Variants in PRKG1 observed in about 807,000 individuals in gnomAD.
The protein encoded by PRKG1 is cGMP-dependent protein kinase 1.
A neutral mutation model predicts 88.1 loss-of-function variants in PRKG1; 35 were observed. The ratio of observed to expected loss-of-function variants is 0.40; its 90% CI spans 0.30 to 0.53. PRKG1 has a LOEUF of 0.53. Ranked by LOEUF, PRKG1 falls within the 20% of genes least tolerant of loss-of-function variation. The pLI is 0.59. For missense variants in PRKG1, 540 were observed against 839.8 expected (o/e 0.64, Z 4.41); for synonymous variants, 303 against 292.5 (o/e 1.04, Z -0.37).
At chr10:51,688,329 G>T (rs73341702) in intron 3 of PRKG1, among the ~76,000 whole-genome samples, 2,568 of 152,084 alleles carry the variant, frequency 0.017, 81 homozygotes, top group African/African-American at 0.058. Context: ...AAGAGATTAG[G>T]GTATATTCTG....
At chr10:51,765,555 C>T (rs1838135998) in intron 3 of PRKG1, among the ~76,000 whole-genome samples, 1 of 152,164 alleles carries the variant, frequency 6.6e-6, no homozygotes, top group Non-Finnish European at 1.5e-5. Flanking sequence ...AGTTGAATTC[C>T]TAGTGCTTGG....
At chr10:51,541,801 T>A (rs567722180) in intron 3 of PRKG1, among the ~76,000 whole-genome samples, 152 of 152,320 alleles carry the variant, frequency 1.0e-3, no homozygotes, top group Non-Finnish European at 1.9e-3. Flanking sequence ...AGAAATATCA[T>A]TTAACTGATA....
At chr10:51,868,153 A>G (rs149269616) in intron 4 of PRKG1, among the ~76,000 whole-genome samples, 1 of 152,300 alleles carries the variant, frequency 6.6e-6, no homozygotes, top group East Asian at 1.9e-4. Context: ...AAACTTGGCA[A>G]TATTGGAATA....
At chr10:51,701,444 G>T (rs568605511) in intron 3 of PRKG1, among the ~76,000 whole-genome samples, 1 of 152,086 alleles carries the variant, frequency 6.6e-6, no homozygotes, top group African/African-American at 2.4e-5. Flanking sequence ...CAAGATGCGC[G>T]ACAGTTTATA....
At chr10:51,489,008 C>G (rs1214044209) in intron 3 of PRKG1, among the ~76,000 whole-genome samples, 1 of 152,130 alleles carries the variant, frequency 6.6e-6, no homozygotes, top group African/African-American at 2.4e-5. Flanking sequence ...AACAAAAAAA[C>G]TGCCGTTGGC....
intron 5 of PRKG1, among the ~76,000 whole-genome samples, chr10:52,019,142 A>G (rs963562822): frequency 6.6e-6 from 1 of 152,074 alleles, no homozygotes; most frequent in Non-Finnish European, 1.5e-5. Flanking sequence ...CAGCTTTCCT[A>G]AGAACTAATG....
At chr10:51,777,266 T>G (rs960920063) in intron 3 of PRKG1, among the ~76,000 whole-genome samples, 10 of 152,078 alleles carry the variant, frequency 6.6e-5, no homozygotes, top group Non-Finnish European at 1.2e-4. Flanking sequence ...ATTATGTCTA[T>G]TACAAAGAAG....
chr10:52,137,976 A>C (rs1476349020), intron 8 of PRKG1, among the ~76,000 whole-genome samples: 6 of 152,130 alleles, frequency 3.9e-5, no homozygotes, highest in Non-Finnish European at 7.4e-5. Flanking sequence ...ACAGCAACTT[A>C]TAATTATTAG....
At chr10:51,952,879 A>C (rs1464199201) in intron 5 of PRKG1, among the ~76,000 whole-genome samples, 1 of 152,150 alleles carries the variant, frequency 6.6e-6, no homozygotes, top group African/African-American at 2.4e-5. Flanking sequence ...ATTTATCTTA[A>C]CCATTCTGTT....
At chr10:51,618,920 C>A (rs1307630506) in intron 3 of PRKG1, among the ~76,000 whole-genome samples, 1 of 149,044 alleles carries the variant, frequency 6.7e-6, no homozygotes, top group Non-Finnish European at 1.5e-5. Context: ...AGGTGTAAGC[C>A]ACCACACCCA....
intron 2 of PRKG1, among the ~76,000 whole-genome samples, chr10:51,279,584 A>G (rs576165520): frequency 1.3e-5 from 2 of 152,314 alleles, no homozygotes; most frequent in African/African-American, 4.8e-5. Context: ...ATATATATTT[A>G]GGATAGTTAG....
chr10:51,212,298 CT>C (rs1838244365), intron 2 of PRKG1, among the ~76,000 whole-genome samples: 1 of 151,988 alleles, frequency 6.6e-6, no homozygotes. Context: ...TTCCTTACAC[CT>C]TATACAAAAA....
chr10:51,365,791 C>T (rs1297914405), intron 2 of PRKG1, among the ~76,000 whole-genome samples: 1 of 151,842 alleles, frequency 6.6e-6, no homozygotes, highest in East Asian at 1.9e-4. Context: ...AGTACCTAGT[C>T]TCATCCACTA....
intron 7 of PRKG1, among the ~76,000 whole-genome samples, chr10:52,111,267 T>G (rs1009828320): frequency 6.6e-6 from 1 of 152,142 alleles, no homozygotes; most frequent in Admixed American, 6.5e-5. Flanking sequence ...TTCTTTAAAT[T>G]AAACAATCTA....
intron 2 of PRKG1, among the ~76,000 whole-genome samples, chr10:51,324,601 C>T (rs932534614): frequency 1.3e-5 from 2 of 149,310 alleles, no homozygotes; most frequent in African/African-American, 4.9e-5. Flanking sequence ...AATAGCCGGG[C>T]GTGGTGGCGG....
chr10:51,902,904 C>T (rs1318064861), intron 4 of PRKG1, among the ~76,000 whole-genome samples: 2 of 152,162 alleles, frequency 1.3e-5, no homozygotes, highest in Non-Finnish European at 2.9e-5. Context: ...TTTGAAGACC[C>T]ATACAAAAGG....
At chr10:51,411,750 C>T (rs1020133225) in intron 2 of PRKG1, among the ~76,000 whole-genome samples, 1 of 152,088 alleles carries the variant, frequency 6.6e-6, no homozygotes, top group Non-Finnish European at 1.5e-5. Context: ...AGAGCAAAGC[C>T]CTTCACCCAT....
intron 3 of PRKG1, among the ~76,000 whole-genome samples, chr10:51,613,120 T>C (rs2132248087): frequency 6.6e-6 from 1 of 152,112 alleles, no homozygotes; most frequent in East Asian, 1.9e-4. Flanking sequence ...ATACATTTGA[T>C]AGAATTACAC....
intron 2 of PRKG1, among the ~76,000 whole-genome samples, chr10:51,280,597 CG>C (rs1197051217): frequency 6.6e-6 from 1 of 152,130 alleles, no homozygotes; most frequent in African/African-American, 2.4e-5. Flanking sequence ...CTAAACTTCT[CG>C]CTTCATTTCA....
Sources: gnomAD v4.1 joint callset for allele counts (sites outside exome capture counted in the v4.1 genomes callset) on GRCh38, gnomAD v4.1.1 for gene constraint, MANE v1.5 for transcripts, NCBI Gene and HGNC (gene_info 2026-07-23, HGNC 2026-07-21) for gene names.